SIAE: variants seen among roughly 807,000 people sequenced by gnomAD.
The protein encoded by SIAE is sialate O-acetylesterase.
Under a neutral mutation model 52.6 loss-of-function variants are expected in SIAE, and 39 were observed. The ratio of observed to expected loss-of-function variants is 0.74; its 90% confidence interval spans 0.57 to 0.97. The LOEUF (loss-of-function observed/expected upper bound fraction) is 0.97. SIAE is among the 50% of genes least tolerant of loss of function. The pLI is 0.00. For missense variants in SIAE, 592 were observed against 662.1 expected (o/e 0.89, Z 1.16); for synonymous variants, 233 against 241.4 (o/e 0.97, Z 0.32).
chr11:124,661,911 TG>T (rs1943191728), intron 2 of SIAE, among the ~76,000 whole-genome samples: 2 of 152,318 alleles, frequency 1.3e-5, no homozygotes, highest in South Asian at 4.1e-4. Context: ...GGGCCTACTA[TG>T]TGCTAGACAC....
intron 9 of SIAE, 81 bp downstream of exon 9, chr11:124,638,461 C>T: frequency 1.4e-6 from 2 of 1,480,654 alleles, no homozygotes; most frequent in Non-Finnish European, 1.9e-6. Context: ...ATCGTAATAA[C>T]AAAAGAGATG....
chr11:124,660,443 T>C (rs751239439), intron 3 of SIAE, 185 bp downstream of exon 3: 9 of 694,070 alleles, frequency 1.3e-5, no homozygotes, highest in Admixed American at 2.0e-5. Flanking sequence ...ATTTAATCAA[T>C]AGCTTATCTC....
At chr11:124,674,819 C>T (rs1030405553), upstream of SIAE, 5 of 153,378 alleles carry the variant, frequency 3.3e-5, no homozygotes, top group African/African-American at 1.2e-4. Context: ...ATTTCTAGAA[C>T]CAGGACTAAT....
chr11:124,665,516 T>G lies in SIAE; in HGVS notation c.229+3844A>C, dbSNP rs77412534. The stretch of plus-strand genomic sequence containing the variant: ...GTGGGAACGCAGCCTGGCCTACACC[T>G]TGATTTCAGCCTTGTGAGACCCTCA... On this transcript the variant is annotated intron_variant, in intron 2 of 9. Transcript: ENST00000263593. Among the ~76,000 whole-genome samples, 578 of 152,314 alleles carry G rather than the reference T, an allele frequency of 3.8e-3. 7 individuals are homozygous for G. Among genetic ancestry groups the G allele is most frequent in the Non-Finnish European group, 5.4e-3 (367 of 68,030 alleles).
chr11:124,666,789 T>C (rs1301261469), intron 2 of SIAE, among the ~76,000 whole-genome samples: 1 of 152,208 alleles, frequency 6.6e-6, no homozygotes, highest in Non-Finnish European at 1.5e-5. Flanking sequence ...TTTCCTAGGG[T>C]TTCTGGCTCA....
At chr11:124,666,302 C>G (rs1384439278) in intron 2 of SIAE, among the ~76,000 whole-genome samples, 2 of 152,046 alleles carry the variant, frequency 1.3e-5, no homozygotes, top group Non-Finnish European at 2.9e-5. Context: ...ATCTCAGAGT[C>G]CTCATTAAAA....
chr11:124,639,910 C>T (rs1942817180), intron 7 of SIAE, 43 bp from the exon 8 acceptor site: 2 of 1,607,478 alleles, frequency 1.2e-6, no homozygotes, highest in Non-Finnish European at 1.7e-6. Flanking sequence ...ATCAGAATCC[C>T]ACACTGGAGT....
intron 5 of SIAE, 80 bp from the exon 6 acceptor site, chr11:124,648,255 C>T: frequency 9.9e-7 from 1 of 1,009,478 alleles, no homozygotes; most frequent in Non-Finnish European, 1.6e-6. Flanking sequence ...CATCTATCCA[C>T]TTTCACTTGT....
intron 9 of SIAE, among the ~76,000 whole-genome samples, chr11:124,637,665 G>A (rs1157330379): frequency 6.6e-6 from 1 of 152,198 alleles, no homozygotes. Context: ...CCAGAAATGG[G>A]AATACAAATT....
intron 2 of SIAE, among the ~76,000 whole-genome samples, chr11:124,667,012 G>C (rs913097903): frequency 6.6e-6 from 1 of 152,122 alleles, no homozygotes; most frequent in African/African-American, 2.4e-5. Flanking sequence ...AATGCAAAAG[G>C]ATTTTTTAAA....
chr11:124,648,126 A>G lies in SIAE; in HGVS notation c.772T>C (p.Trp258Arg). Residue 258 changes from tryptophan to arginine, a missense_variant, in exon 6 of 10, where the codon TGG becomes CGG. By Grantham distance (101) the Trp-to-Arg change is moderately radical. Transcript: ENST00000263593. ...CACAGTGGATGGATCATGGCATTCC[A>G]GAGAACAGAGTGCTTACTGGGACCA... Reference protein sequence around the residue: ...VTGPSKHSVLWNAMIHPLCNM... With the variant: ...VTGPSKHSVLRNAMIHPLCNM... 2.5e-6 allele frequency: 4 copies of G among 1,614,054 alleles called. No homozygotes were observed. The highest frequency in any genetic ancestry group is 2.5e-6 in the Non-Finnish European group (3 of 1,179,928).
Position 124,660,674 on chromosome 11 carries a change from A to G in SIAE, c.359T>C (p.Val120Ala). 1 of 1,614,200 alleles carries G rather than the reference A, an allele frequency of 6.2e-7. No individual in the cohort carries two copies. Residue 120 changes from valine (V) to alanine (A), a missense_variant, in exon 3 of 10, where the codon GTC becomes GCC. Physicochemically the swap from Val to Ala is moderately conservative, Grantham distance 64. Coordinates refer to ENST00000263593, the MANE Select transcript of SIAE (RefSeq NM_170601.5). ...LRVHDVLFGDVWLCSGQSNMQ... is the reference protein window; with the variant it reads ...LRVHDVLFGDAWLCSGQSNMQ... ...GTTACTCTGCCCACTACAGAGCCAG[A>G]CATCTCCAAACAGGACGTCATGAAC... is the stretch of plus-strand genomic sequence containing the variant.
At position 124,650,688 on chromosome 11, in the gene SIAE, G is replaced by A. The variant is rs571017600; in HGVS notation, c.545-892C>T. Among the ~76,000 whole-genome samples, 9 of 152,166 alleles carry A rather than the reference G, an allele frequency of 5.9e-5. No individual in the cohort carries two copies. The South Asian group carries it at 6.2e-4, about 11-fold the overall frequency. ...CTCGGGAGGCTGAGGCAGGAGAATC[G>A]CTTGAACCTGGGAGGCATAGGTTGC... On this transcript the variant is annotated intron_variant, in intron 4 of 9. Transcript: ENST00000263593.
chr11:124,663,216 G>C (rs918774610), intron 2 of SIAE, among the ~76,000 whole-genome samples: 1 of 152,122 alleles, frequency 6.6e-6, no homozygotes, highest in African/African-American at 2.4e-5. Context: ...AGGCAAGGCA[G>C]GGAAAACTTG....
chr11:124,637,316 G>T, intron 9 of SIAE, 114 bp from the exon 10 acceptor site: 3 of 1,452,252 alleles, frequency 2.1e-6, no homozygotes, highest in Non-Finnish European at 2.9e-6. Context: ...CTTCACCAAG[G>T]ACCTACTCCT....
chr11:124,642,927 G>A (rs139916673), intron 7 of SIAE, among the ~76,000 whole-genome samples: 2,009 of 152,156 alleles, frequency 0.013, 26 homozygotes, highest in Non-Finnish European at 0.02. Context: ...GCTTCAAGGA[G>A]GTGAATTCTG....
chr11:124,640,191 T>TA (rs1381472329), intron 7 of SIAE, among the ~76,000 whole-genome samples: 3 of 152,082 alleles, frequency 2.0e-5, no homozygotes, highest in African/African-American at 7.2e-5. Flanking sequence ...GTCTTGGCCT[T>TA]ATGAGGCCTT....
chr11:124,640,579 C>T (rs568599464), intron 7 of SIAE, among the ~76,000 whole-genome samples: 2 of 152,280 alleles, frequency 1.3e-5, no homozygotes, highest in African/African-American at 4.8e-5. Flanking sequence ...CAGGGCTAGG[C>T]ACTGTAGGCA....
At chr11:124,655,860 A>AT (rs1374717871) in intron 3 of SIAE, among the ~76,000 whole-genome samples, 1 of 152,202 alleles carries the variant, frequency 6.6e-6, no homozygotes, top group Non-Finnish European at 1.5e-5. Context: ...GTAAATATTT[A>AT]TTATATATGT....
Sources: gnomAD v4.1 joint callset for allele counts (sites outside exome capture counted in the v4.1 genomes callset) on GRCh38, gnomAD v4.1.1 for gene constraint, MANE v1.5 for transcripts, NCBI Gene and HGNC (gene_info 2026-07-23, HGNC 2026-07-21) for gene names.